KIAA0825: variants seen among roughly 807,000 people sequenced by gnomAD.
KIAA0825 encodes the protein KIAA0825, also known as uncharacterized protein KIAA0825.
KIAA0825 carries 119 observed loss-of-function variants against 147.6 expected under a neutral mutation model. That is an observed-to-expected ratio of 0.81 (90% CI 0.69 to 0.94). The LOEUF (loss-of-function observed/expected upper bound fraction) is 0.94. Among genes scored for constraint, KIAA0825 ranks in the 40% least tolerant of loss-of-function variants. The pLI is 0.00. For missense variants in KIAA0825, 1,381 were observed against 1,472.7 expected, an observed-to-expected ratio of 0.94 and a Z score of 1.02; for synonymous variants, 470 against 518.1, an observed-to-expected ratio of 0.91 and a Z score of 1.26.
At chr5:94,280,257 C>A (rs966499717) in intron 20 of KIAA0825, among the ~76,000 whole-genome samples, 1 of 151,934 alleles carries the variant, frequency 6.6e-6, no homozygotes, top group African/African-American at 2.4e-5. Context: ...AGAATCAAAC[C>A]CCAGGTTTCT....
chr5:94,473,497 C>T lies in KIAA0825; in HGVS notation c.1250G>A (p.Trp417Ter), dbSNP rs1175860527. Residue 417 changes from tryptophan to a stop codon, truncating the protein, a stop_gained, in exon 8 of 21, where the codon TGG (tryptophan) becomes TAG (stop). Coordinates refer to ENST00000682413, the MANE Select transcript of KIAA0825 (RefSeq NM_001145678.3). LOFTEE classifies it high-confidence loss of function. ...AGACACTTCTTTAAATGCACTTCTC[C>T]AGCCAAAATCTAGTAAGGTAGCCTG... ...GKEATLLDFG[W>*]RSAFKEVSLP... The T allele has an allele frequency of 1.3e-6, 2 of 1,551,232 alleles. No homozygotes were observed. Among genetic ancestry groups the T allele is most frequent in the Non-Finnish European group, 1.7e-6 (2 of 1,146,588 alleles).
At position 94,463,743 on chromosome 5, in the gene KIAA0825, T is replaced by G. The variant is rs553133203; in HGVS notation, c.2063+1126A>C. ...AAACCAAAAGTCTCTATTGTACAGT[T>G]AATTCATTAAATATACTACCCATTT... On this transcript the variant is annotated intron_variant, in intron 11 of 20. Transcript: ENST00000682413. Among the ~76,000 whole-genome samples the G allele has an allele frequency of 5.3e-5, 8 of 151,914 alleles. No homozygotes were observed. The East Asian group carries it at 1.5e-3, about 29-fold the overall frequency.
intron 18 of KIAA0825, among the ~76,000 whole-genome samples, chr5:94,388,480 A>G (rs2150547009): frequency 6.6e-6 from 1 of 152,352 alleles, no homozygotes; most frequent in East Asian, 1.9e-4. Context: ...CTAGATTTAG[A>G]TTATTGAACA....
chr5:94,153,974 T>C lies in KIAA0825; in HGVS notation c.*33A>G. 1 of 1,425,234 alleles carries C rather than the reference T, an allele frequency of 7.0e-7. No individual in the cohort carries two copies. Among genetic ancestry groups the C allele is most frequent in the Non-Finnish European group, 9.7e-7 (1 of 1,031,860 alleles). 88.3% of individuals were successfully genotyped at this position (1,425,234 alleles called of 1,614,324 possible). On this transcript the variant is annotated 3_prime_UTR_variant, in exon 21 of 21. Coordinates refer to ENST00000682413, the MANE Select transcript of KIAA0825 (RefSeq NM_001145678.3). ...TCCTACTCCATTACATGGGATTGTT[T>C]CCTAAAATAAAGCTGTTGCTGTTTT...
chr5:94,554,117 A>C (rs1776081045), intron 2 of KIAA0825, among the ~76,000 whole-genome samples: 1 of 152,210 alleles, frequency 6.6e-6, no homozygotes, highest in Non-Finnish European at 1.5e-5. Flanking sequence ...GTGATAGGAG[A>C]GATCCCCTGT....
chr5:94,223,902 A>G lies in KIAA0825; in HGVS notation c.3711-69778T>C, dbSNP rs112005096. Reference sequence around the variant, plus strand: ...CTCTTTGGGATTCATCGCAACATCTATAAGGTGGCATTATTTTTCCAATAT... The same window carrying G: ...CTCTTTGGGATTCATCGCAACATCTGTAAGGTGGCATTATTTTTCCAATAT... On this transcript the variant is annotated intron_variant, in intron 20 of 20. Transcript: ENST00000682413. Among the ~76,000 whole-genome samples, 113 of 152,150 alleles carry G rather than the reference A, an allele frequency of 7.4e-4. 1 individual carries two copies. Among genetic ancestry groups the G allele is most frequent in the African/African-American group, 2.5e-3 (104 of 41,528 alleles).
At chr5:94,340,958 T>C (rs1005303755) in intron 20 of KIAA0825, among the ~76,000 whole-genome samples, 1 of 152,216 alleles carries the variant, frequency 6.6e-6, no homozygotes, top group Non-Finnish European at 1.5e-5. Flanking sequence ...CCTACATATT[T>C]ACCTTCCATT....
intron 3 of KIAA0825, 36 bp downstream of exon 3, chr5:94,536,960 G>A (rs774030593): frequency 2.6e-5 from 38 of 1,481,864 alleles, no homozygotes; most frequent in East Asian, 6.9e-5. Context: ...AGTGAAATGT[G>A]AAAACAACTT....
chr5:94,303,402 G>T (rs1020255597), intron 20 of KIAA0825, among the ~76,000 whole-genome samples: 3 of 144,112 alleles, frequency 2.1e-5, no homozygotes, highest in Non-Finnish European at 4.7e-5. Context: ...AATTTCAATG[G>T]CAATGAAAAA....
chr5:94,563,080 G>A (rs1242671787), intron 2 of KIAA0825, among the ~76,000 whole-genome samples: 4 of 151,900 alleles, frequency 2.6e-5, no homozygotes, highest in African/African-American at 4.8e-5. Context: ...GGTAGCTCAC[G>A]CCTGTAATCC....
intron 20 of KIAA0825, among the ~76,000 whole-genome samples, chr5:94,228,903 T>A (rs1774443009): frequency 6.6e-6 from 1 of 151,908 alleles, no homozygotes. Context: ...GGGAGGAGAG[T>A]ATTAAAGGCT....
intron 15 of KIAA0825, among the ~76,000 whole-genome samples, chr5:94,404,571 C>T (rs1751804327): frequency 1.3e-5 from 2 of 151,998 alleles, no homozygotes; most frequent in Non-Finnish European, 2.9e-5. Flanking sequence ...TGCCAAGACA[C>T]ATAGCATAGG....
intron 2 of KIAA0825, among the ~76,000 whole-genome samples, chr5:94,551,603 T>C (rs1419827800): frequency 6.6e-6 from 1 of 152,010 alleles, no homozygotes; most frequent in Non-Finnish European, 1.5e-5. Flanking sequence ...ACAATAATAA[T>C]ACACCCAGCA....
chr5:94,155,635 T>G (rs998658236), intron 20 of KIAA0825, among the ~76,000 whole-genome samples: 2 of 152,134 alleles, frequency 1.3e-5, no homozygotes, highest in African/African-American at 4.8e-5. Context: ...AGAAAGAGGA[T>G]TATCTGAAAA....
At chr5:94,542,731 T>A (rs1773580828) in intron 2 of KIAA0825, among the ~76,000 whole-genome samples, 1 of 151,788 alleles carries the variant, frequency 6.6e-6, no homozygotes, top group South Asian at 2.1e-4. Context: ...CACTTGAACC[T>A]GGGAGGCAGA....
chr5:94,352,767 C>A (rs921877747), intron 20 of KIAA0825, among the ~76,000 whole-genome samples: 2 of 152,182 alleles, frequency 1.3e-5, no homozygotes, highest in African/African-American at 2.4e-5. Flanking sequence ...GAATTAACAG[C>A]ATTTGCAGTG....
intron 20 of KIAA0825, among the ~76,000 whole-genome samples, chr5:94,301,698 G>A (rs944609856): frequency 1.3e-5 from 2 of 152,156 alleles, no homozygotes; most frequent in Non-Finnish European, 2.9e-5. Context: ...GAAGAGGCAT[G>A]TGTGTGGGTG....
At chr5:94,408,205 C>A (rs868466607) in intron 15 of KIAA0825, among the ~76,000 whole-genome samples, 2 of 152,110 alleles carry the variant, frequency 1.3e-5, no homozygotes, top group Non-Finnish European at 2.9e-5. Context: ...GACACCAAGA[C>A]CTTTTGATAG....
chr5:94,229,812 G>A (rs1032472343), intron 20 of KIAA0825, among the ~76,000 whole-genome samples: 1 of 151,942 alleles, frequency 6.6e-6, no homozygotes, highest in Non-Finnish European at 1.5e-5. Flanking sequence ...AATATTTATT[G>A]TAGATTTTCT....
Sources: gnomAD v4.1 joint callset for allele counts (sites outside exome capture counted in the v4.1 genomes callset) on GRCh38, gnomAD v4.1.1 for gene constraint, MANE v1.5 for transcripts, NCBI Gene and HGNC (gene_info 2026-07-23, HGNC 2026-07-21) for gene names.